The following ASPG variants were observed in gnomAD, a reference collection of about 807,000 sequenced individuals.
The protein encoded by ASPG is asparaginase.
A neutral mutation model predicts 63.2 loss-of-function variants in ASPG; 53 were observed. The observed-to-expected ratio is 0.84, with a 90% confidence interval of 0.67 to 1.05. The LOEUF is 1.05. ASPG is among the 50% of genes least tolerant of loss of function. The pLI is 0.00. For synonymous variants in ASPG, 370 were observed against 355.0 expected (o/e 1.04, Z -0.48); for missense variants, 741 against 794.4 (o/e 0.93, Z 0.81).
intron 6 of ASPG, among the ~76,000 whole-genome samples, chr14:104,099,291 C>T (rs1487188044): frequency 6.6e-6 from 1 of 152,202 alleles, no homozygotes; most frequent in Admixed American, 6.5e-5. Context: ...TAGGAGGTCC[C>T]CAGTGACCAC....
chr14:104,091,127 A>G lies in ASPG; in HGVS notation c.83-1506A>G, dbSNP rs1236919749. On this transcript the variant is annotated intron_variant, in intron 1 of 15. Transcript: ENST00000551177. This position sits in a 1 kb window ranked among gnomAD's most constrained non-coding sequence, Gnocchi z 6.4. ...GCAATCTGACACCTCGGCCACCCAA[A>G]GTGCTGGGATTCCAGGCCTGAGGCA... 6.6e-6 allele frequency among the ~76,000 whole-genome samples: 1 copy of G among 151,466 alleles called. No homozygotes were observed. The highest frequency in any genetic ancestry group is 2.4e-5 in the African/African-American group (1 of 41,142).
At chr14:104,087,221 C>T (rs937997115) in intron 1 of ASPG, among the ~76,000 whole-genome samples, 2 of 152,148 alleles carry the variant, frequency 1.3e-5, no homozygotes, top group Non-Finnish European at 2.9e-5. Context: ...GCCTCCTCTG[C>T]ACTTCTCCTT....
chr14:104,105,221 G>A lies in ASPG; in HGVS notation c.1051-107G>A, dbSNP rs561354941. 3 of 1,570,750 alleles carry A rather than the reference G, an allele frequency of 1.9e-6. No individual in the cohort carries two copies. The Admixed American group carries it at 5.1e-5, about 27-fold the overall frequency. On this transcript the variant is annotated intron_variant, in intron 9 of 15. Transcript: ENST00000551177. The stretch of plus-strand genomic sequence containing the variant: ...ATGAAGCACACACGGCCGAGGCTCA[G>A]GCCAAGGGCAACCCCTGACTGTGCC...
chr14:104,104,456 G>GTACACATA lies in ASPG; in HGVS notation c.906_907insTACACATA (p.Ala303TyrfsTer3), dbSNP rs2037026203. 1.2e-6 allele frequency: 2 copies of GTACACATA among 1,612,416 alleles called. No individual in the cohort carries two copies. Among genetic ancestry groups the GTACACATA allele is most frequent in the African/African-American group, 2.7e-5 (2 of 74,938 alleles). The stretch of plus-strand genomic sequence containing the variant: ...TCAACTGTACCCACTGCCTCCAGGG[G>GTACACATA]GCTGTGACCACAGACTATGCAGCTG... On this transcript the variant is annotated frameshift_variant, in exon 8 of 16. Transcript: ENST00000551177. LOFTEE classifies it high-confidence loss of function.
At position 104,093,441 on chromosome 14, in the gene ASPG, G is replaced by T. The variant is rs780830984; in HGVS notation, c.192-50G>T. 4.7e-6 allele frequency: 7 copies of T among 1,487,310 alleles called. No homozygotes were observed. In the Admixed American group the frequency reaches 1.2e-4, roughly 25 times the overall value. The allele number at this position is 1,487,310 out of a possible 1,614,324, so 92.1% of individuals were successfully genotyped here. A position where few individuals can be genotyped will look rare whatever the true frequency, so the allele number is the denominator to read the frequency against. On this transcript the variant is annotated intron_variant, in intron 2 of 15. Transcript: ENST00000551177. ...GTCAGGGCATTTAGAGCAGGAGGAG[G>T]TGCAGAGCGGGAGCCTGCTGTTCCG...
intron 4 of ASPG, among the ~76,000 whole-genome samples, chr14:104,096,540 G>A (rs780404568): frequency 1.3e-5 from 2 of 152,142 alleles, no homozygotes; most frequent in African/African-American, 2.4e-5. Flanking sequence ...CCCAGAACTC[G>A]AGAAGGAGGG....
rs1007318340 is a variant in ASPG at position 104,099,052 on chromosome 14, C to T, written c.640+73C>T. ...GGGCGAGGGGCTGCTGCAGGGAGCTCGTGGCTGGGACTCGGCAGAGTTTGA... is the reference window on the plus strand; with the variant it reads ...GGGCGAGGGGCTGCTGCAGGGAGCTTGTGGCTGGGACTCGGCAGAGTTTGA... On this transcript the variant is annotated intron_variant, in intron 6 of 15. Transcript: ENST00000551177. 24 of 1,514,900 alleles carry T rather than the reference C, an allele frequency of 1.6e-5. 1 individual carries two copies. In the Admixed American group the frequency reaches 2.2e-4, roughly 14 times the overall value. 93.8% of individuals were successfully genotyped at this position (1,514,900 alleles called of 1,614,324 possible).
chr14:104,097,843 G>A (rs571046880), intron 5 of ASPG, among the ~76,000 whole-genome samples: 6 of 141,504 alleles, frequency 4.2e-5, no homozygotes, highest in African/African-American at 1.0e-4. Flanking sequence ...GAGGTTCTGC[G>A]TTAGAGATGC....
rs1184908978 is a variant in ASPG at position 104,093,565 on chromosome 14, C to T, written c.266C>T (p.Thr89Ile). Residue 89 changes from threonine to isoleucine, a missense_variant, in exon 3 of 16, where the codon ACC becomes ATC. Transcript: ENST00000551177. ...CQPLFDSSDM[T>I]IAEWVCLAQT... ...CCCCTCTTCGACTCCAGTGACATGACCATCGCTGAGTGGGTTTGCCTTGCC... is the reference window on the plus strand; with the variant it reads ...CCCCTCTTCGACTCCAGTGACATGATCATCGCTGAGTGGGTTTGCCTTGCC... 6.2e-7 allele frequency: 1 copy of T among 1,612,266 alleles called. No homozygotes were observed. Among genetic ancestry groups the T allele is most frequent in the South Asian group, 1.1e-5 (1 of 91,036 alleles).
chr14:104,107,177 T>C lies in ASPG; in HGVS notation c.1270-5T>C. 6.4e-7 allele frequency: 1 copy of C among 1,557,000 alleles called. No homozygotes were observed. The highest frequency in any genetic ancestry group is 8.7e-7 in the Non-Finnish European group (1 of 1,149,330). ...CAGGGGTCGCATGTCCTTGTGTTAC[T>C]CCAGGGCAGTGACCTGGGCCTGGTG... On this transcript the variant is annotated splice_polypyrimidine_tract_variant and splice_region_variant and intron_variant, in intron 11 of 15. Coordinates refer to ENST00000551177, the MANE Select transcript of ASPG (RefSeq NM_001080464.3).
At chr14:104,104,998 T>A in intron 9 of ASPG, 3 of 575,710 alleles carry the variant, frequency 5.2e-6, no homozygotes, top group Non-Finnish European at 9.2e-6. Flanking sequence ...GAGGCTCCCC[T>A]AACTGTCGCC....
At position 104,106,899 on chromosome 14, in the gene ASPG, G is replaced by T; in HGVS notation, c.1269+5G>T. 2 of 1,568,152 alleles carry T rather than the reference G, an allele frequency of 1.3e-6. No homozygotes were observed. The highest frequency in any genetic ancestry group is 8.6e-7 in the Non-Finnish European group (1 of 1,160,498). ...CTGCAGGCGCTTGTGGAGCTGGTGAGCCTCCCCCACCCTGGGGGCCCAGCC... is the reference window on the plus strand; with the variant it reads ...CTGCAGGCGCTTGTGGAGCTGGTGATCCTCCCCCACCCTGGGGGCCCAGCC... On this transcript the variant is annotated splice_donor_5th_base_variant and intron_variant, in intron 11 of 15. Coordinates refer to ENST00000551177, the MANE Select transcript of ASPG (RefSeq NM_001080464.3).
chr14:104,096,756 T>C (rs2036613354), intron 4 of ASPG, among the ~76,000 whole-genome samples: 1 of 152,162 alleles, frequency 6.6e-6, no homozygotes, highest in South Asian at 2.1e-4. Context: ...AACTGAGGCT[T>C]ACAGGCTAGG....
At position 104,095,524 on chromosome 14, in the gene ASPG, C is replaced by A. The variant is rs1186919342; in HGVS notation, c.304-7C>A. 1.2e-6 allele frequency: 2 copies of A among 1,612,748 alleles called. No individual in the cohort carries two copies. Among genetic ancestry groups the A allele is most frequent in the African/African-American group, 1.3e-5 (1 of 75,064 alleles). ...CTGGCCTGCCTGAGCATGCGCCCCT[C>A]CTGCAGAGGCACTACGAGCAGTACC... is the stretch of plus-strand genomic sequence containing the variant. On this transcript the variant is annotated splice_polypyrimidine_tract_variant and splice_region_variant and intron_variant, in intron 3 of 15. Coordinates refer to ENST00000551177, the MANE Select transcript of ASPG (RefSeq NM_001080464.3).
chr14:104,087,770 C>T (rs1339023032), intron 1 of ASPG, among the ~76,000 whole-genome samples: 1 of 152,220 alleles, frequency 6.6e-6, no homozygotes, highest in East Asian at 1.9e-4. Context: ...TCTGTAACCC[C>T]ACCACACACC....
At position 104,099,121 on chromosome 14, in the gene ASPG, C is replaced by T. The variant is rs1596083881; in HGVS notation, c.640+142C>T. 5 of 1,371,280 alleles carry T rather than the reference C, an allele frequency of 3.6e-6. No individual in the cohort carries two copies. The South Asian group carries it at 7.0e-5, about 19-fold the overall frequency. The allele number at this position is 1,371,280 out of a possible 1,614,324, so 84.9% of individuals were successfully genotyped here. A position where few individuals can be genotyped will look rare whatever the true frequency, so the allele number is the denominator to read the frequency against. ...TGACTTGCCCTGGCTTGGTTCTGCC[C>T]TGGGCTGTGGAGAAGCCAGGGCTGC... On this transcript the variant is annotated intron_variant, in intron 6 of 15. Coordinates refer to ENST00000551177, the MANE Select transcript of ASPG (RefSeq NM_001080464.3).
chr14:104,091,387 G>T lies in ASPG; in HGVS notation c.83-1246G>T, dbSNP rs1343101629. Among the ~76,000 whole-genome samples, 1 of 152,116 alleles carries T rather than the reference G, an allele frequency of 6.6e-6. No individual in the cohort carries two copies. The highest frequency in any genetic ancestry group is 1.9e-4 in the East Asian group (1 of 5,180). On this transcript the variant is annotated intron_variant, in intron 1 of 15. Transcript: ENST00000551177. This position sits in a 1 kb window ranked among gnomAD's most constrained non-coding sequence, Gnocchi z 6.4. Reference sequence around the variant, plus strand: ...GGCAGACGGGCAGACAAACATGTGCGGGCTCCGCCTCCCCCGTCTGCTGGC... The same window carrying T: ...GGCAGACGGGCAGACAAACATGTGCTGGCTCCGCCTCCCCCGTCTGCTGGC...
chr14:104,086,585 G>A (rs1450179897), intron 1 of ASPG, among the ~76,000 whole-genome samples: 2 of 152,142 alleles, frequency 1.3e-5, no homozygotes, highest in African/African-American at 4.8e-5. Flanking sequence ...GGGATGGGGA[G>A]AGGACGGTTG....
chr14:104,103,581 G>A lies in ASPG; in HGVS notation c.659G>A (p.Arg220Gln), dbSNP rs1022244556. 1.4e-5 allele frequency: 21 copies of A among 1,548,000 alleles called. No homozygotes were observed. The highest frequency in any genetic ancestry group is 2.4e-5 in the East Asian group (1 of 40,922). ...TCCTCAGTCAACAGGGAGCTGGTGC[G>A]GAAGGTGGACGGGAAGGCTGGGCTG... Reference protein sequence around the residue: ...ADITINRELVRKVDGKAGLVV... With the variant: ...ADITINRELVQKVDGKAGLVV... Residue 220 changes from arginine (R) to glutamine (Q), a missense_variant, in exon 7 of 16, where the codon CGG becomes CAG. Coordinates refer to ENST00000551177, the MANE Select transcript of ASPG (RefSeq NM_001080464.3).
Sources: allele counts gnomAD v4.1 joint callset (sites outside exome capture counted in the v4.1 genomes callset), GRCh38; gene constraint gnomAD v4.1.1; non-coding constraint Gnocchi (gnomAD v3.1); transcripts MANE v1.5; gene names NCBI Gene and HGNC (gene_info 2026-07-23, HGNC 2026-07-21).